The following ZBTB46 variants were observed in gnomAD, a reference collection of about 807,000 sequenced individuals.
The protein encoded by ZBTB46 is zinc finger and BTB domain-containing protein 46.
ZBTB46 carries 8 observed loss-of-function variants against 44.1 expected under a neutral mutation model. That is an observed-to-expected ratio of 0.18 (90% CI 0.11 to 0.33). The LOEUF is 0.33. Ranked by LOEUF, ZBTB46 falls within the 10% of genes least tolerant of loss-of-function variation. The pLI is 1.00. For synonymous variants in ZBTB46, 409 were observed against 382.3 expected (o/e 1.07, Z -0.81); for missense variants, 651 against 847.7 (o/e 0.77, Z 2.88).
chr20:63,774,689 G>GTT lies in ZBTB46; in HGVS notation c.1222+987_1222+988dup, dbSNP rs1292458776. On this transcript the variant is annotated intron_variant, in intron 3 of 4. Coordinates refer to ENST00000245663, the MANE Select transcript of ZBTB46 (RefSeq NM_001369741.1). The stretch of plus-strand genomic sequence containing the variant: ...GCTGGCTGGGGGCTGGCTGCGGTGG[G>GTT]TTTTTTTTGTTTTTTTTTTTGTTTT... Among the ~76,000 whole-genome samples the GTT allele has an allele frequency of 4.5e-5, 2 of 44,136 alleles. 1 individual carries two copies. 29.0% of individuals were successfully genotyped at this position (44,136 alleles called of 152,430 possible).
At position 63,744,295 on chromosome 20, in the gene ZBTB46, C is replaced by T. The variant is rs1235548124; in HGVS notation, c.*2635G>A. On this transcript the variant is annotated 3_prime_UTR_variant, in exon 5 of 5. Transcript: ENST00000245663. ...GTAAGCTGCGTCTTCTGAGTCAGTT[C>T]CCTACGTAGCCCTGGCAGTGTCCTG... 1.3e-5 allele frequency: 2 copies of T among 152,132 alleles called. No homozygotes were observed. The highest frequency in any genetic ancestry group is 4.8e-5 in the African/African-American group (2 of 41,412). 9.4% of individuals were successfully genotyped at this position (152,132 alleles called of 1,614,324 possible). A position where few individuals can be genotyped will look rare whatever the true frequency, so the allele number is the denominator to read the frequency against.
At chr20:63,792,672 C>T (rs1404522831) in intron 1 of ZBTB46, among the ~76,000 whole-genome samples, 5 of 152,144 alleles carry the variant, frequency 3.3e-5, no homozygotes, top group South Asian at 2.1e-4. Context: ...CCCGCCACCA[C>T]GCCTGGCTGA....
chr20:63,832,542 G>A (rs950376924), upstream of ZBTB46, among the ~76,000 whole-genome samples: 2 of 152,216 alleles, frequency 1.3e-5, no homozygotes, highest in African/African-American at 4.8e-5. This position sits in a 1 kb window ranked among gnomAD's most constrained non-coding sequence, Gnocchi z 5.0. Flanking sequence ...GGCGGCTGAG[G>A]GCTCTCCATG....
rs2092072331 is a variant in ZBTB46 at position 63,744,741 on chromosome 20, CTG to C, written c.*2187_*2188del. Reference sequence around the variant, plus strand: ...AACACTTGGGGAGGTCAGTGGGACACTGTTGGTTTTAGGGAAGAAAATGCCCC... The same window carrying C: ...AACACTTGGGGAGGTCAGTGGGACACTTGGTTTTAGGGAAGAAAATGCCCC... On this transcript the variant is annotated 3_prime_UTR_variant, in exon 5 of 5. Transcript: ENST00000245663. The C allele has an allele frequency of 1.3e-5, 2 of 152,340 alleles. No homozygotes were observed. The highest frequency in any genetic ancestry group is 2.9e-5 in the Non-Finnish European group (2 of 68,044). The allele number at this position is 152,340 out of a possible 1,614,324, so 9.4% of individuals were successfully genotyped here.
chr20:63,792,470 G>A (rs992651035), intron 1 of ZBTB46, among the ~76,000 whole-genome samples: 1 of 152,128 alleles, frequency 6.6e-6, no homozygotes, highest in African/African-American at 2.4e-5. Context: ...CCTGGGCTCC[G>A]ACTGGTTACG....
rs984477532 is a variant in ZBTB46 at position 63,744,202 on chromosome 20, T to C, written c.*2728A>G. 8 of 152,140 alleles carry C rather than the reference T, an allele frequency of 5.3e-5. No homozygotes were observed. Among genetic ancestry groups the C allele is most frequent in the Non-Finnish European group, 8.8e-5 (6 of 68,038 alleles). The allele number at this position is 152,140 out of a possible 1,614,324, so 9.4% of individuals were successfully genotyped here. A position where few individuals can be genotyped will look rare whatever the true frequency, so the allele number is the denominator to read the frequency against. On this transcript the variant is annotated 3_prime_UTR_variant, in exon 5 of 5. Coordinates refer to ENST00000245663, the MANE Select transcript of ZBTB46 (RefSeq NM_001369741.1). ...AAATAAGATTACTTCTTTTATAATA[T>C]TGCAAAAAGTTCCAGTTTTTGCATT...
intron 1 of ZBTB46, among the ~76,000 whole-genome samples, chr20:63,795,053 C>T (rs947526428): frequency 1.3e-5 from 2 of 152,206 alleles, no homozygotes; most frequent in Non-Finnish European, 2.9e-5. Context: ...GGGGCACCCG[C>T]GGCTGCACTG....
chr20:63,747,501 GGA>G (rs2092112942), intron 4 of ZBTB46, among the ~76,000 whole-genome samples, 200 bp from the exon 5 acceptor site: 2 of 56,476 alleles, frequency 3.5e-5, no homozygotes, highest in South Asian at 7.2e-4. Flanking sequence ...GTGGAGGTTG[GGA>G]GGGGGGCCAG....
chr20:63,811,511 G>A (rs1025083865), intron 1 of ZBTB46, among the ~76,000 whole-genome samples: 4 of 152,190 alleles, frequency 2.6e-5, no homozygotes, highest in Non-Finnish European at 5.9e-5. Context: ...TTTCCAGGAA[G>A]CCCACTGTGC....
chr20:63,763,972 CT>C (rs919500386), intron 3 of ZBTB46, among the ~76,000 whole-genome samples: 10 of 148,892 alleles, frequency 6.7e-5, no homozygotes, highest in East Asian at 2.0e-4. Flanking sequence ...TTTTCTTTTT[CT>C]TTTTTTTTTA....
rs11474683 is a variant in ZBTB46, at chr20:63,823,858, T to TTGTGTG, written c.-34+7233_-34+7238dup. Among the ~76,000 whole-genome samples the TTGTGTG allele has an allele frequency of 1.2e-3, 168 of 144,800 alleles. 3 individuals are homozygous for TTGTGTG. The highest frequency in any genetic ancestry group is 6.9e-3 in the Middle Eastern group (2 of 288). The allele number at this position is 144,800 out of a possible 152,430, so 95.0% of individuals were successfully genotyped here. A position where few individuals can be genotyped will look rare whatever the true frequency, so the allele number is the denominator to read the frequency against. ...TCCTGACCTTTGTCCTCTAGGAACC[T>TTGTGTG]TGTGTGTGTGTGTGTGTGTGTGTGT... On this transcript the variant is annotated intron_variant, in intron 1 of 4. Transcript: ENST00000245663.
chr20:63,759,943 A>G (rs762886527), intron 3 of ZBTB46, among the ~76,000 whole-genome samples: 12 of 152,216 alleles, frequency 7.9e-5, no homozygotes, highest in Non-Finnish European at 1.2e-4. Flanking sequence ...AATTCTACAC[A>G]TTGATTCCAA....
intron 1 of ZBTB46, among the ~76,000 whole-genome samples, chr20:63,813,973 G>A (rs1021832887): frequency 4.6e-5 from 7 of 152,148 alleles, no homozygotes; most frequent in African/African-American, 1.7e-4. Flanking sequence ...GGTGGCTCAC[G>A]CCTGTAATCC....
chr20:63,787,781 T>C lies in ZBTB46; in HGVS notation c.937+2040A>G, dbSNP rs933955177. 6.6e-6 allele frequency: 1 copy of C among 152,280 alleles called. No individual in the cohort carries two copies. Among genetic ancestry groups the C allele is most frequent in the Non-Finnish European group, 1.5e-5 (1 of 68,048 alleles). 9.4% of individuals were successfully genotyped at this position (152,280 alleles called of 1,614,324 possible). ...GGTTAAAATGGTAAGGTTTACATTA[T>C]GTATGTTCTACCACAATGATAAAAG... On this transcript the variant is annotated intron_variant, in intron 2 of 4. Transcript: ENST00000245663. The surrounding 1 kb of genome is among the most constrained non-coding windows in gnomAD (Gnocchi z 4.6).
intron 3 of ZBTB46, chr20:63,769,141 G>T: frequency 1.0e-6 from 1 of 972,856 alleles, no homozygotes. Flanking sequence ...CCTCGGAGGT[G>T]CCCGGGCTCA....
chr20:63,797,246 T>C (rs1332077562), intron 1 of ZBTB46, among the ~76,000 whole-genome samples: 2 of 144,990 alleles, frequency 1.4e-5, no homozygotes. Context: ...AGTCAGAACA[T>C]GCAGTGTTTG....
intron 1 of ZBTB46, 164 bp from the exon 2 acceptor site, chr20:63,790,954 C>T (rs544692395): frequency 3.5e-5 from 36 of 1,014,500 alleles, no homozygotes; most frequent in South Asian, 1.6e-4. Context: ...CCTGTGTCTC[C>T]GCCTGAAGCA....
intron 4 of ZBTB46, among the ~76,000 whole-genome samples, chr20:63,748,990 A>G (rs2092132620): frequency 6.6e-6 from 1 of 152,230 alleles, no homozygotes; most frequent in Non-Finnish European, 1.5e-5. Flanking sequence ...TTCCTGCCTC[A>G]GTGTTCCGAA....
At chr20:63,757,891 G>GC (rs1334349633) in intron 3 of ZBTB46, among the ~76,000 whole-genome samples, 2 of 35,684 alleles carry the variant, frequency 5.6e-5, no homozygotes, top group African/African-American at 1.2e-4. Context: ...CCCTCCACCC[G>GC]CCCATCCAGA....
Sources: allele counts gnomAD v4.1 joint callset (sites outside exome capture counted in the v4.1 genomes callset), GRCh38; gene constraint gnomAD v4.1.1; non-coding constraint Gnocchi (gnomAD v3.1); transcripts MANE v1.5; gene names NCBI Gene and HGNC (gene_info 2026-07-23, HGNC 2026-07-21).